The following CSMD3 variants were observed in gnomAD, a reference collection of about 807,000 sequenced individuals.
The protein encoded by CSMD3 is CUB and Sushi multiple domains 3, also known as CUB and sushi domain-containing protein 3.
Under a neutral mutation model 435.2 loss-of-function variants are expected in CSMD3, and 177 were observed. That is an observed-to-expected ratio of 0.41 (90% CI 0.36 to 0.46). The LOEUF is 0.46. CSMD3 is among the 20% of genes least tolerant of loss of function. The pLI, the probability that CSMD3 is intolerant of heterozygous loss-of-function variation, is 0.34. For synonymous variants in CSMD3, 1,656 were observed against 1,520.5 expected, an observed-to-expected ratio of 1.09 and a Z score of -2.07; for missense variants, 4,265 against 4,504.6, an observed-to-expected ratio of 0.95 and a Z score of 1.52.
chr8:112,281,262 G>T lies in CSMD3; in HGVS notation c.9420C>A (p.Ser3140=). The change falls in exon 59 of 71, where the codon TCC becomes TCA. Residue 3140 remains serine (S), a synonymous_variant. Transcript: ENST00000297405. ...GTTFSSSVIY[S]CMEGYILSGP... ...CAGAAAGGATGTATCCCTCCATGCA[G>T]GAATAAATGACTGAACTAGAAAATG... 6.2e-7 allele frequency: 1 copy of T among 1,613,220 alleles called. No individual in the cohort carries two copies. The highest frequency in any genetic ancestry group is 8.5e-7 in the Non-Finnish European group (1 of 1,179,362).
intron 10 of CSMD3, among the ~76,000 whole-genome samples, chr8:112,875,054 A>G (rs954369238): frequency 6.6e-6 from 1 of 152,136 alleles, no homozygotes; most frequent in African/African-American, 2.4e-5. Flanking sequence ...AGTGGCTGGT[A>G]CTGGTTTTTC....
At chr8:113,366,175 A>C (rs2094310118) in intron 1 of CSMD3, among the ~76,000 whole-genome samples, 1 of 151,770 alleles carries the variant, frequency 6.6e-6, no homozygotes, top group Non-Finnish European at 1.5e-5. Flanking sequence ...CCCAGGTTTT[A>C]TTTTTATTTT....
intron 7 of CSMD3, 42 bp from the exon 8 acceptor site, chr8:112,954,803 A>G: frequency 8.5e-7 from 1 of 1,170,024 alleles, no homozygotes. Flanking sequence ...AGGAAATACA[A>G]TTTTAAAATG....
At chr8:113,044,389 A>G (rs2087746282) in intron 5 of CSMD3, among the ~76,000 whole-genome samples, 1 of 149,090 alleles carries the variant, frequency 6.7e-6, no homozygotes, top group Non-Finnish European at 1.5e-5. Context: ...GTAGTCATTC[A>G]ATAAATTCTG....
At chr8:112,380,159 T>A (rs1693630486) in intron 38 of CSMD3, among the ~76,000 whole-genome samples, 193 bp downstream of exon 38, 1 of 152,212 alleles carries the variant, frequency 6.6e-6, no homozygotes, top group African/African-American at 2.4e-5. Flanking sequence ...AACTTGTAAA[T>A]TCTTGTGAAA....
intron 31 of CSMD3, among the ~76,000 whole-genome samples, chr8:112,488,072 A>T (rs1309639038): frequency 6.6e-6 from 1 of 152,172 alleles, no homozygotes; most frequent in Non-Finnish European, 1.5e-5. Flanking sequence ...TAAACTGCAA[A>T]GTTTCTCATC....
chr8:112,475,404 T>C (rs912034077), intron 31 of CSMD3, among the ~76,000 whole-genome samples: 7 of 152,160 alleles, frequency 4.6e-5, no homozygotes, highest in Admixed American at 4.6e-4. Context: ...GTCCTTATGG[T>C]AATATTATGT....
At chr8:113,321,486 A>C (rs2093949145) in intron 1 of CSMD3, among the ~76,000 whole-genome samples, 1 of 152,168 alleles carries the variant, frequency 6.6e-6, no homozygotes, top group Non-Finnish European at 1.5e-5. Context: ...ATATTAAGGT[A>C]AAGTGTCACT....
At chr8:112,573,387 G>A (rs1829690052) in intron 24 of CSMD3, 114 bp downstream of exon 24, 1 of 932,248 alleles carries the variant, frequency 1.1e-6, no homozygotes, top group African/African-American at 1.6e-5. Context: ...ATGTAGAAAG[G>A]AGCTGTAAAT....
At chr8:112,387,024 T>C (rs916191416) in intron 36 of CSMD3, among the ~76,000 whole-genome samples, 1 of 152,120 alleles carries the variant, frequency 6.6e-6, no homozygotes, top group Non-Finnish European at 1.5e-5. Context: ...CAACATATTT[T>C]CCCCCATGGC....
chr8:112,533,434 T>C (rs922340578), intron 27 of CSMD3, among the ~76,000 whole-genome samples: 1 of 151,948 alleles, frequency 6.6e-6, no homozygotes, highest in Non-Finnish European at 1.5e-5. Flanking sequence ...ACATGTATTT[T>C]ATGCAAACGG....
intron 18 of CSMD3, among the ~76,000 whole-genome samples, chr8:112,654,125 A>C (rs565874078): frequency 5.3e-5 from 8 of 152,286 alleles, no homozygotes; most frequent in African/African-American, 1.9e-4. Flanking sequence ...GGGAAGACAA[A>C]TTACTTTCAC....
intron 22 of CSMD3, among the ~76,000 whole-genome samples, chr8:112,622,752 A>G (rs566052369): frequency 6.6e-6 from 1 of 152,294 alleles, no homozygotes; most frequent in East Asian, 1.9e-4. Context: ...CATTGGTCTC[A>G]TTTGTATACT....
chr8:113,106,220 C>T (rs2090471710), intron 4 of CSMD3, among the ~76,000 whole-genome samples: 1 of 151,650 alleles, frequency 6.6e-6, no homozygotes, highest in Non-Finnish European at 1.5e-5. Context: ...CTATTTAGCC[C>T]TTTTCAGAAA....
intron 10 of CSMD3, among the ~76,000 whole-genome samples, chr8:112,876,723 C>T (rs1386609367): frequency 6.6e-6 from 1 of 152,108 alleles, no homozygotes; most frequent in Non-Finnish European, 1.5e-5. Flanking sequence ...TCTCTCACTA[C>T]TCGTATTCAA....
At chr8:112,863,349 G>A (rs2080878490) in intron 10 of CSMD3, among the ~76,000 whole-genome samples, 2 of 151,232 alleles carry the variant, frequency 1.3e-5, no homozygotes, top group Admixed American at 1.3e-4. Flanking sequence ...CTACAAATTG[G>A]TTTCATATGG....
intron 7 of CSMD3, among the ~76,000 whole-genome samples, chr8:112,966,065 T>C (rs1372808369): frequency 6.6e-6 from 1 of 151,746 alleles, no homozygotes; most frequent in Non-Finnish European, 1.5e-5. Context: ...TGGCAGGATA[T>C]TGATAAAGCA....
intron 4 of CSMD3, among the ~76,000 whole-genome samples, chr8:113,144,486 C>T (rs2091625286): frequency 6.6e-6 from 1 of 151,548 alleles, no homozygotes; most frequent in South Asian, 2.1e-4. Flanking sequence ...CTCAATAATT[C>T]TCGAAATATC....
intron 5 of CSMD3, among the ~76,000 whole-genome samples, chr8:113,040,029 C>T (rs992509304): frequency 1.3e-5 from 2 of 152,030 alleles, no homozygotes; most frequent in Non-Finnish European, 2.9e-5. Flanking sequence ...ACACAGCATG[C>T]CAGGTAGTGA....
Sources: allele counts gnomAD v4.1 joint callset (sites outside exome capture counted in the v4.1 genomes callset), GRCh38; gene constraint gnomAD v4.1.1; transcripts MANE v1.5; gene names NCBI Gene and HGNC (gene_info 2026-07-23, HGNC 2026-07-21).